The following KIFAP3 variants were observed in gnomAD, a reference collection of about 807,000 sequenced individuals.
KIFAP3 encodes kinesin-associated protein 3.
In KIFAP3, 68 loss-of-function variants were observed where a neutral mutation model predicts 106.5. The observed-to-expected ratio is 0.64, with a 90% CI of 0.53 to 0.78. KIFAP3 has a LOEUF of 0.78. KIFAP3 is among the 30% of genes least tolerant of loss of function. The pLI is 0.00. For missense variants in KIFAP3, 780 were observed against 941.8 expected, an observed-to-expected ratio of 0.83 and a Z score of 2.25; for synonymous variants, 320 against 311.5, an observed-to-expected ratio of 1.03 and a Z score of -0.29.
chr1:170,038,326 G>A lies in KIFAP3; in HGVS notation c.481C>T (p.Arg161Ter). ...RGSALILQLA[R>*]NPDNLEELLL... ...AGTTCTTCCAAGTTATCAGGATTTC[G>A]AGCAAGCTGCAGGATCAAAGCAGAA... The change falls in exon 5 of 20, where the codon CGA becomes TGA. Residue 161 changes from arginine to a stop codon, truncating the protein, a stop_gained. Transcript: ENST00000361580. LOFTEE classifies it high-confidence loss of function. 6 of 1,605,912 alleles carry A rather than the reference G, an allele frequency of 3.7e-6. No homozygotes were observed. Among genetic ancestry groups the A allele is most frequent in the Non-Finnish European group, 5.1e-6 (6 of 1,178,380 alleles).
At chr1:170,074,838 A>G (rs532494334), upstream of KIFAP3, 2 of 918,480 alleles carry the variant, frequency 2.2e-6, no homozygotes, top group Non-Finnish European at 2.8e-6. Context: ...GTGTATAAGG[A>G]GTGGCTCCGT....
chr1:170,028,690 T>C (rs563914092), intron 8 of KIFAP3, among the ~76,000 whole-genome samples: 4 of 152,108 alleles, frequency 2.6e-5, no homozygotes, highest in Admixed American at 6.6e-5. Context: ...AGTAATAGCA[T>C]AGAGTTGGGA....
At chr1:170,061,856 C>T (rs949831095) in intron 1 of KIFAP3, among the ~76,000 whole-genome samples, 10 of 152,268 alleles carry the variant, frequency 6.6e-5, no homozygotes, top group African/African-American at 2.4e-4. Context: ...AGGTCATGTC[C>T]TTTGTAGGGA....
chr1:170,072,361 A>G (rs1215149618), intron 1 of KIFAP3, among the ~76,000 whole-genome samples: 1 of 152,234 alleles, frequency 6.6e-6, no homozygotes, highest in African/African-American at 2.4e-5. Context: ...GGAAATATAA[A>G]GTAGTAAGTT....
intron 3 of KIFAP3, among the ~76,000 whole-genome samples, chr1:170,042,577 T>C (rs888063588): frequency 1.3e-5 from 2 of 152,238 alleles, no homozygotes; most frequent in African/African-American, 4.8e-5. Flanking sequence ...AATAATCTTT[T>C]CTTTGTCTTT....
intron 13 of KIFAP3, 53 bp downstream of exon 13, chr1:169,983,217 G>T: frequency 1.0e-6 from 1 of 1,000,602 alleles, no homozygotes; most frequent in Non-Finnish European, 1.5e-6. Flanking sequence ...ATTTCCAAAT[G>T]TAGCAATTTC....
At chr1:169,946,214 T>C (rs2101825016) in intron 19 of KIFAP3, among the ~76,000 whole-genome samples, 1 of 151,294 alleles carries the variant, frequency 6.6e-6, no homozygotes, top group South Asian at 2.1e-4. Flanking sequence ...ATTCCCATTT[T>C]TTATACAACT....
At chr1:170,022,870 GATAGA>G (rs1451080503) in intron 9 of KIFAP3, among the ~76,000 whole-genome samples, 6 of 151,938 alleles carry the variant, frequency 3.9e-5, no homozygotes, top group Non-Finnish European at 5.9e-5. Flanking sequence ...AGATCTTTTT[GATAGA>G]ATAAACACAT....
intron 8 of KIFAP3, among the ~76,000 whole-genome samples, chr1:170,027,003 C>A (rs985209898): frequency 1.1e-4 from 17 of 147,934 alleles, no homozygotes; most frequent in Admixed American, 7.6e-4. Flanking sequence ...GTAAATTTCA[C>A]TGTCTTGCTT....
chr1:169,967,408 G>T (rs1665684158), intron 17 of KIFAP3, among the ~76,000 whole-genome samples: 3 of 151,556 alleles, frequency 2.0e-5, no homozygotes, highest in African/African-American at 7.3e-5. Context: ...ATGTGCTCTG[G>T]GAATCCTCAA....
chr1:169,953,892 G>A, intron 19 of KIFAP3, 119 bp downstream of exon 19: 1 of 721,226 alleles, frequency 1.4e-6, no homozygotes, highest in Middle Eastern at 2.4e-4. Flanking sequence ...CCCTTGAAAA[G>A]ATTGAGGGTT....
chr1:170,049,766 C>T (rs1188255753), intron 2 of KIFAP3, among the ~76,000 whole-genome samples: 2 of 152,036 alleles, frequency 1.3e-5, no homozygotes, highest in African/African-American at 4.8e-5. Flanking sequence ...GATACAAAAA[C>T]TAACACACAG....
At chr1:170,036,646 C>T (rs905489100) in intron 5 of KIFAP3, among the ~76,000 whole-genome samples, 7 of 151,838 alleles carry the variant, frequency 4.6e-5, no homozygotes, top group African/African-American at 1.7e-4. Context: ...CTAGTAATTC[C>T]CAAAGGTATT....
intron 1 of KIFAP3, among the ~76,000 whole-genome samples, chr1:170,081,181 G>A (rs1377774017): frequency 6.6e-6 from 1 of 152,050 alleles, no homozygotes; most frequent in African/African-American, 2.4e-5. Context: ...GATATAAAGA[G>A]AACTATTACA....
intron 1 of KIFAP3, among the ~76,000 whole-genome samples, chr1:170,064,115 C>T (rs1671318194): frequency 1.3e-5 from 2 of 152,176 alleles, no homozygotes; most frequent in Non-Finnish European, 2.9e-5. Flanking sequence ...GCAACTGTTG[C>T]TTAATACCTT....
upstream of KIFAP3, among the ~76,000 whole-genome samples, chr1:170,076,958 C>G (rs895430206): frequency 2.0e-5 from 3 of 152,126 alleles, no homozygotes; most frequent in African/African-American, 4.8e-5. Flanking sequence ...ACTTCTGGGT[C>G]GGGTGGGGAC....
chr1:170,017,255 C>CAAAA (rs11417586), intron 9 of KIFAP3, among the ~76,000 whole-genome samples: 21 of 70,132 alleles, frequency 3.0e-4, no homozygotes, highest in South Asian at 1.6e-3. Flanking sequence ...GAGACTGTCT[C>CAAAA]AAAAAAAAAA....
intron 9 of KIFAP3, among the ~76,000 whole-genome samples, chr1:170,019,082 T>C (rs1291880938): frequency 1.3e-5 from 2 of 152,140 alleles, no homozygotes; most frequent in Non-Finnish European, 2.9e-5. Context: ...CCAAAAATTT[T>C]ATGCTCCTAC....
intron 1 of KIFAP3, among the ~76,000 whole-genome samples, chr1:170,080,873 A>G (rs909469956): frequency 6.6e-6 from 1 of 152,194 alleles, no homozygotes; most frequent in Non-Finnish European, 1.5e-5. Flanking sequence ...ACAAAGATCT[A>G]CTGAAATTTA....
Sources: allele counts gnomAD v4.1 joint callset (sites outside exome capture counted in the v4.1 genomes callset), GRCh38; gene constraint gnomAD v4.1.1; transcripts MANE v1.5; gene names NCBI Gene and HGNC (gene_info 2026-07-23, HGNC 2026-07-21).